The following USP4 variants were observed in gnomAD, a reference collection of about 807,000 sequenced individuals.
USP4 encodes the protein ubiquitin carboxyl-terminal hydrolase 4.
A neutral mutation model predicts 118.2 loss-of-function variants in USP4; 72 were observed. That is an observed-to-expected ratio of 0.61 (90% CI 0.50 to 0.74). USP4 has a LOEUF of 0.74. Among genes scored for constraint, USP4 ranks in the 30% least tolerant of loss-of-function variants. The pLI, the probability that USP4 is intolerant of heterozygous loss-of-function variation, is 0.00. For synonymous variants in USP4, 415 were observed against 440.4 expected, an observed-to-expected ratio of 0.94 and a Z score of 0.72; for missense variants, 1,037 against 1,185.7, an observed-to-expected ratio of 0.87 and a Z score of 1.84.
At chr3:49,339,338 A>G (rs1450452945) in intron 1 of USP4, among the ~76,000 whole-genome samples, 1 of 152,140 alleles carries the variant, frequency 6.6e-6, no homozygotes, top group African/African-American at 2.4e-5. Context: ...TGGACCCTTC[A>G]TCTTCTATCT....
Position 49,315,715 on chromosome 3 carries a change from G to T in USP4, c.696-4061C>A, listed in dbSNP as rs569049371. ...AAGTCCTGCTCCCCAGGCATGTCAC[G>T]TGATTATCAATTACAACTCAAACGT... On this transcript the variant is annotated intron_variant, in intron 6 of 21. Transcript: ENST00000265560. Among the ~76,000 whole-genome samples the T allele has an allele frequency of 2.0e-5, 3 of 152,132 alleles. No homozygotes were observed. In the East Asian group the frequency reaches 5.8e-4, roughly 29 times the overall value.
At chr3:49,299,378 G>A (rs1273951218) in intron 11 of USP4, among the ~76,000 whole-genome samples, 5 of 149,596 alleles carry the variant, frequency 3.3e-5, no homozygotes, top group East Asian at 2.0e-4. Context: ...GTAAGCCACC[G>A]TGCCCAGCCT....
chr3:49,317,048 G>C (rs1204039467), intron 6 of USP4: 1 of 997,900 alleles, frequency 1.0e-6, no homozygotes, highest in Non-Finnish European at 1.6e-6. Context: ...CTGAGTTGAG[G>C]GGCGCACAGA....
Position 49,294,547 on chromosome 3 carries a change from TG to T in USP4, c.1742del (p.Pro581GlnfsTer34). ...TGGACTTCCTCTCCCTGAAGTAGAC[TG>T]GAAGCGTGACACATTCCGAGCCATC... ...SVDGSECVTL[P>X]VYFRERKSRP... On this transcript the variant is annotated frameshift_variant, in exon 14 of 22. Transcript: ENST00000265560. LOFTEE classifies it high-confidence loss of function. 1.2e-6 allele frequency: 2 copies of T among 1,614,172 alleles called. No individual in the cohort carries two copies. The highest frequency in any genetic ancestry group is 1.7e-6 in the Non-Finnish European group (2 of 1,180,024).
chr3:49,287,417 G>C (rs1282520913), intron 15 of USP4, among the ~76,000 whole-genome samples: 1 of 152,062 alleles, frequency 6.6e-6, no homozygotes, highest in Non-Finnish European at 1.5e-5. Context: ...GCTTCCCAAA[G>C]TACTGGGATT....
intron 6 of USP4, among the ~76,000 whole-genome samples, chr3:49,322,860 GA>G (rs1348556721): frequency 6.9e-4 from 93 of 134,980 alleles, no homozygotes; most frequent in Non-Finnish European, 8.2e-4. Context: ...CCGTCACAGG[GA>G]AAAAAAAAAA....
rs1329139924 is a variant in USP4 at position 49,277,186 on chromosome 3, C to G, written c.*1107G>C. 1.5e-6 allele frequency: 2 copies of G among 1,371,062 alleles called. No homozygotes were observed. The highest frequency in any genetic ancestry group is 2.9e-5 in the African/African-American group (2 of 68,970). The allele number at this position is 1,371,062 out of a possible 1,614,324, so 84.9% of individuals were successfully genotyped here. The stretch of plus-strand genomic sequence containing the variant: ...TCGGCAGCCACGTCCTTGTCCTCAC[C>G]CGCAGCGCAGTGACGCCGACCCATC... On this transcript the variant is annotated 3_prime_UTR_variant, in exon 22 of 22. Transcript: ENST00000265560.
chr3:49,330,955 T>C (rs2047611237), intron 2 of USP4, among the ~76,000 whole-genome samples: 1 of 148,642 alleles, frequency 6.7e-6, no homozygotes, highest in African/African-American at 2.5e-5. Flanking sequence ...GAGGCGGAGC[T>C]TGCAGTGAGC....
intron 19 of USP4, among the ~76,000 whole-genome samples, chr3:49,281,714 CAAAA>C (rs35039639): frequency 5.4e-5 from 4 of 73,742 alleles, no homozygotes; most frequent in Non-Finnish European, 5.6e-5. Context: ...AACTCCGTCT[CAAAA>C]AAAAAAAAAA....
At chr3:49,284,606 G>A in intron 17 of USP4, 22 bp from the exon 18 acceptor site, 1 of 1,603,134 alleles carries the variant, frequency 6.2e-7, no homozygotes, top group Non-Finnish European at 8.5e-7. Context: ...AAAGCACTCA[G>A]TTCTGCTGGA....
rs760290339 is a variant in USP4 at position 49,278,943 on chromosome 3, GAATT to G, written c.2645-45_2645-42del. 4.4e-6 allele frequency: 6 copies of G among 1,369,112 alleles called. No homozygotes were observed. In the East Asian group the frequency reaches 1.4e-4, roughly 32 times the overall value. 84.8% of individuals were successfully genotyped at this position (1,369,112 alleles called of 1,614,324 possible). On this transcript the variant is annotated intron_variant, in intron 20 of 21. Coordinates refer to ENST00000265560, the MANE Select transcript of USP4 (RefSeq NM_003363.4). ...AGAAAATACTCTAGCGGTCTCCAGA[GAATT>G]AATCTGGCTAGCTTATTAGGCTTGC...
Position 49,286,244 on chromosome 3 carries a change from G to A in USP4, c.2054C>T (p.Pro685Leu), listed in dbSNP as rs762343417. 15 of 1,613,910 alleles carry A rather than the reference G, an allele frequency of 9.3e-6. No homozygotes were observed. The highest frequency in any genetic ancestry group is 3.3e-5 in the Admixed American group (2 of 59,960). ...GGTGGTCTCACTGGGGTCATTTCCT[G>A]GCTCATCTTCCCCACTGCCTTCTGT... is the stretch of plus-strand genomic sequence containing the variant. ...SETEGSGEDE[P>L]GNDPSETTQK... The change falls in exon 16 of 22, where the codon CCA (proline) becomes CTA (leucine). Residue 685 changes from proline (P) to leucine (L), a missense_variant. Pro to Leu is a moderately conservative substitution (Grantham distance 98). Around this residue, in one of 3 missense-constraint regions of USP4, gnomAD observed 522 missense variants for 592.6 expected, o/e 0.88. Transcript: ENST00000265560.
chr3:49,325,094 C>T (rs2047538650), intron 4 of USP4, 55 bp from the exon 5 acceptor site: 12 of 1,583,368 alleles, frequency 7.6e-6, no homozygotes, highest in Non-Finnish European at 9.4e-6. Flanking sequence ...AGGCTAAAGA[C>T]AGCCATGGCA....
chr3:49,327,536 C>T, intron 3 of USP4, 150 bp downstream of exon 3: 1 of 814,572 alleles, frequency 1.2e-6, no homozygotes, highest in African/African-American at 1.8e-5. Context: ...AAGACTCCAT[C>T]TCAAAAAAAA....
chr3:49,302,483 C>T lies in USP4; in HGVS notation c.1188G>A (p.Glu396=). Reference sequence around the variant, plus strand: ...ATCCATCTAGAAGAAAGGCCAGCAGCTCCTGAGAATCTTGTTGCTGGTAGC... The same window carrying T: ...ATCCATCTAGAAGAAAGGCCAGCAGTTCCTGAGAATCTTGTTGCTGGTAGC... The part of the protein sequence containing the change: ...FSGYQQQDSQ[E]LLAFLLDGLH... The change falls in exon 10 of 22, where the codon GAG becomes GAA. Residue 396 remains glutamate, a synonymous_variant. Coordinates refer to ENST00000265560, the MANE Select transcript of USP4 (RefSeq NM_003363.4). 2 of 1,614,196 alleles carry T rather than the reference C, an allele frequency of 1.2e-6. No homozygotes were observed. Among genetic ancestry groups the T allele is most frequent in the Non-Finnish European group, 1.7e-6 (2 of 1,180,024 alleles).
chr3:49,317,055 C>G, intron 6 of USP4: 1 of 1,095,990 alleles, frequency 9.1e-7, no homozygotes, highest in Non-Finnish European at 1.4e-6. Context: ...GAGGGGCGCA[C>G]AGAGGCAGGC....
Position 49,310,706 on chromosome 3 carries a change from G to A in USP4, c.868C>T (p.Gln290Ter). 1.2e-6 allele frequency: 2 copies of A among 1,614,138 alleles called. No homozygotes were observed. Among genetic ancestry groups the A allele is most frequent in the Non-Finnish European group, 1.7e-6 (2 of 1,180,032 alleles). Residue 290 changes from glutamine to a stop codon, truncating the protein, a stop_gained, in exon 8 of 22, where the codon CAG becomes TAG. Coordinates refer to ENST00000265560, the MANE Select transcript of USP4 (RefSeq NM_003363.4). LOFTEE classifies it high-confidence loss of function. ...TGTATATGAGAGGATGGTGGCTCCT[G>A]ACAATTATACGAAGCAGAAAAGCCA... ...GSGFSASYNC[Q>*]EPPSSHIQPG...
At chr3:49,314,228 CA>C (rs1367572607) in intron 6 of USP4, among the ~76,000 whole-genome samples, 1 of 152,098 alleles carries the variant, frequency 6.6e-6, no homozygotes, top group Non-Finnish European at 1.5e-5. Context: ...ATGGGCACAT[CA>C]AGAAATTATA....
At chr3:49,314,380 C>T (rs1321532120) in intron 6 of USP4, among the ~76,000 whole-genome samples, 1 of 152,162 alleles carries the variant, frequency 6.6e-6, no homozygotes, top group African/African-American at 2.4e-5. Flanking sequence ...GTTCACACAG[C>T]TTCATCCTCA....
Sources: allele counts gnomAD v4.1 joint callset (sites outside exome capture counted in the v4.1 genomes callset), GRCh38; gene constraint gnomAD v4.1.1; regional missense constraint gnomAD v4.1.1; transcripts MANE v1.5; gene names NCBI Gene and HGNC (gene_info 2026-07-23, HGNC 2026-07-21).